Variants in UGT2B4 observed in about 807,000 individuals in gnomAD.
UGT2B4 encodes UDP glucuronosyltransferase family 2 member B4.
In UGT2B4, 49 loss-of-function variants were observed where a neutral mutation model predicts 49.8. That is an observed-to-expected ratio of 0.98 (90% CI 0.78 to 1.25). UGT2B4 has a LOEUF of 1.25. Among genes scored for constraint, UGT2B4 ranks in the 50% most tolerant of loss-of-function variants. The pLI is 0.00. For missense variants in UGT2B4, 729 were observed against 627.7 expected, an observed-to-expected ratio of 1.16 and a Z score of -1.73; for synonymous variants, 246 against 217.7, an observed-to-expected ratio of 1.13 and a Z score of -1.14.
At chr4:69,494,563 G>A (rs1231544056) in intron 1 of UGT2B4, among the ~76,000 whole-genome samples, 2 of 151,890 alleles carry the variant, frequency 1.3e-5, no homozygotes, top group African/African-American at 2.4e-5. Context: ...TAAAATAAAT[G>A]GTTTCCAATC....
rs1442802070 is a variant in UGT2B4, at chr4:69,492,909, AATCC to A, written c.870+780_870+783del. On this transcript the variant is annotated intron_variant, in intron 2 of 5. Coordinates refer to ENST00000305107, the MANE Select transcript of UGT2B4 (RefSeq NM_021139.3). ...TTCTAGTTTGGCCCTTCCACAATTT[AATCC>A]ATCGAACATCTTGGAATCTTTTTTT... is the stretch of plus-strand genomic sequence containing the variant. Among the ~76,000 whole-genome samples the A allele has an allele frequency of 5.3e-5, 8 of 152,220 alleles. No individual in the cohort carries two copies. The East Asian group carries it at 1.5e-3, about 29-fold the overall frequency.
intron 5 of UGT2B4, 94 bp from the exon 6 acceptor site, chr4:69,481,004 C>G: frequency 7.5e-7 from 1 of 1,330,600 alleles, no homozygotes; most frequent in Non-Finnish European, 1.0e-6. Flanking sequence ...TTTCCGAGGT[C>G]GAGGCGGGCG....
At chr4:69,521,066 G>A (rs933396784) in intron 1 of UGT2B4, among the ~76,000 whole-genome samples, 7 of 152,150 alleles carry the variant, frequency 4.6e-5, no homozygotes, top group African/African-American at 1.7e-4. Context: ...CAGACATTGG[G>A]ATGACCAGCC....
intron 1 of UGT2B4, among the ~76,000 whole-genome samples, chr4:69,525,055 C>A (rs868451414): frequency 5.9e-5 from 9 of 152,116 alleles, no homozygotes; most frequent in Non-Finnish European, 8.8e-5. Context: ...AAATTGGAGA[C>A]CTTACATAGC....
intron 1 of UGT2B4, among the ~76,000 whole-genome samples, chr4:69,513,403 GTCTT>G (rs1728655740): frequency 6.6e-6 from 1 of 152,112 alleles, no homozygotes; most frequent in Non-Finnish European, 1.5e-5. Context: ...TAGGTGTGCA[GTCTT>G]ATTTCTGAGT....
At chr4:69,500,590 C>CAAGCAAGCAAGCAAGAAAGCAAGA (rs1728280213), upstream of UGT2B4, among the ~76,000 whole-genome samples, 1 of 61,000 alleles carries the variant, frequency 1.6e-5, no homozygotes, top group Non-Finnish European at 3.5e-5. Context: ...AGCAAGAAAG[C>CAAGCAAGCAAGCAAGAAAGCAAGA]AAGCAAGAAA....
chr4:69,497,034 A>C (rs1022752372), upstream of UGT2B4, among the ~76,000 whole-genome samples: 1 of 152,068 alleles, frequency 6.6e-6, no homozygotes, highest in Non-Finnish European at 1.5e-5. Context: ...ACTTCCTAAT[A>C]GTTTTTTGGC....
intron 1 of UGT2B4, among the ~76,000 whole-genome samples, chr4:69,522,129 T>C (rs1380444992): frequency 2.6e-5 from 4 of 152,220 alleles, no homozygotes; most frequent in African/African-American, 7.2e-5. Context: ...TAAAAATGTT[T>C]CAGCCTTCTA....
At chr4:69,509,283 T>G (rs923237306) in intron 1 of UGT2B4, among the ~76,000 whole-genome samples, 2 of 151,398 alleles carry the variant, frequency 1.3e-5, no homozygotes, top group Admixed American at 6.6e-5. Context: ...GCAATTCTCC[T>G]GCGTCAGCCT....
chr4:69,483,366 T>C (rs944627543), intron 5 of UGT2B4, among the ~76,000 whole-genome samples: 2 of 152,132 alleles, frequency 1.3e-5, no homozygotes, highest in Non-Finnish European at 1.5e-5. Context: ...ATAGAATACA[T>C]ATGTATGAGT....
intron 1 of UGT2B4, among the ~76,000 whole-genome samples, chr4:69,513,733 C>T (rs1454900338): frequency 6.6e-6 from 1 of 152,052 alleles, no homozygotes; most frequent in South Asian, 2.1e-4. Flanking sequence ...CTATTTGTGT[C>T]CTCTCTGATT....
At chr4:69,486,578 T>C (rs1560432556) in intron 4 of UGT2B4, 31 bp downstream of exon 4, 2 of 1,416,958 alleles carry the variant, frequency 1.4e-6, no homozygotes, top group East Asian at 2.4e-5. Flanking sequence ...CTGTTACTAA[T>C]ATATTCAGTA....
At chr4:69,524,880 T>G (rs944502836) in intron 1 of UGT2B4, among the ~76,000 whole-genome samples, 8 of 152,112 alleles carry the variant, frequency 5.3e-5, no homozygotes, top group African/African-American at 1.9e-4. Flanking sequence ...ACAGATAACA[T>G]ACAGGGTAAG....
At chr4:69,500,606 G>GCAAGCAAGC (rs1553896493), upstream of UGT2B4, among the ~76,000 whole-genome samples, 1 of 99,510 alleles carries the variant, frequency 1.0e-5, no homozygotes, top group African/African-American at 4.3e-5. Context: ...AGAAAGCAAG[G>GCAAGCAAGC]AAGAAAGAAA....
intron 1 of UGT2B4, among the ~76,000 whole-genome samples, chr4:69,501,537 C>G (rs1728319258): frequency 6.6e-6 from 1 of 152,072 alleles, no homozygotes; most frequent in African/African-American, 2.4e-5. Context: ...AAGTGATAGC[C>G]CAGCACAGCA....
At chr4:69,493,221 A>C (rs1183849640) in intron 2 of UGT2B4, among the ~76,000 whole-genome samples, 1 of 151,742 alleles carries the variant, frequency 6.6e-6, no homozygotes, top group Non-Finnish European at 1.5e-5. Context: ...AATATCAGTG[A>C]CTCCAGGATA....
chr4:69,484,337 T>C (rs1374004225), intron 5 of UGT2B4, among the ~76,000 whole-genome samples: 1 of 152,136 alleles, frequency 6.6e-6, no homozygotes, highest in Non-Finnish European at 1.5e-5. Context: ...CAAAAACATG[T>C]AGCAATGCTC....
At chr4:69,520,425 G>T (rs1423590499) in intron 1 of UGT2B4, among the ~76,000 whole-genome samples, 7 of 152,344 alleles carry the variant, frequency 4.6e-5, no homozygotes. Flanking sequence ...TTGGCAGGGT[G>T]GTAGCACCGT....
intron 1 of UGT2B4, among the ~76,000 whole-genome samples, chr4:69,521,262 T>C (rs1232090246): frequency 6.6e-6 from 1 of 152,190 alleles, no homozygotes; most frequent in African/African-American, 2.4e-5. Context: ...CTGAAACATG[T>C]TCCCTACTTG....
Sources: allele counts gnomAD v4.1 joint callset (sites outside exome capture counted in the v4.1 genomes callset), GRCh38; gene constraint gnomAD v4.1.1; transcripts MANE v1.5; gene names NCBI Gene and HGNC (gene_info 2026-07-23, HGNC 2026-07-21).